The following PIP4K2A variants were observed in gnomAD, a reference collection of about 807,000 sequenced individuals.
The protein encoded by PIP4K2A is phosphatidylinositol-5-phosphate 4-kinase type 2 alpha.
In PIP4K2A, 14 loss-of-function variants were observed where a neutral mutation model predicts 42.9. That is an observed-to-expected ratio of 0.33 (90% CI 0.22 to 0.51). The LOEUF is 0.51. Among genes scored for constraint, PIP4K2A ranks in the 20% least tolerant of loss-of-function variants. PIP4K2A has a pLI of 0.97. For missense variants in PIP4K2A, 434 were observed against 519.8 expected, an observed-to-expected ratio of 0.83 and a Z score of 1.61; for synonymous variants, 192 against 192.2, an observed-to-expected ratio of 1.00 and a Z score of 0.01.
intron 1 of PIP4K2A, among the ~76,000 whole-genome samples, chr10:22,703,839 A>G (rs1833760437): frequency 6.6e-6 from 1 of 152,130 alleles, no homozygotes; most frequent in Non-Finnish European, 1.5e-5. Context: ...GGGACTCAAA[A>G]ATTGGATGTG....
intron 1 of PIP4K2A, among the ~76,000 whole-genome samples, chr10:22,697,606 T>G (rs181513651): frequency 6.6e-6 from 1 of 152,054 alleles, no homozygotes; most frequent in Non-Finnish European, 1.5e-5. Flanking sequence ...ACAACTATAG[T>G]CCCAGCTATT....
intron 1 of PIP4K2A, among the ~76,000 whole-genome samples, chr10:22,617,062 T>C (rs940938188): frequency 2.6e-5 from 4 of 152,240 alleles, no homozygotes; most frequent in African/African-American, 7.2e-5. Flanking sequence ...AATTACTATA[T>C]AGCCCAACTC....
chr10:22,600,664 C>T (rs1837741057), intron 3 of PIP4K2A, among the ~76,000 whole-genome samples: 1 of 152,182 alleles, frequency 6.6e-6, no homozygotes, highest in Admixed American at 6.5e-5. Context: ...TGCCTCGAAT[C>T]ACACGGCCCA....
intron 1 of PIP4K2A, among the ~76,000 whole-genome samples, chr10:22,635,712 T>A (rs902468461): frequency 6.6e-6 from 1 of 152,184 alleles, no homozygotes; most frequent in Non-Finnish European, 1.5e-5. Context: ...GGGGGTTCTA[T>A]GACGAGGACC....
chr10:22,655,092 A>T (rs1252888065), intron 1 of PIP4K2A, among the ~76,000 whole-genome samples: 1 of 152,188 alleles, frequency 6.6e-6, no homozygotes, highest in Admixed American at 6.5e-5. Flanking sequence ...AAAATTTAAA[A>T]TTTAAAAATG....
chr10:22,626,760 G>A (rs930343489), intron 1 of PIP4K2A, among the ~76,000 whole-genome samples: 1 of 152,082 alleles, frequency 6.6e-6, no homozygotes, highest in Non-Finnish European at 1.5e-5. Context: ...GCTGAAAACA[G>A]GATATTTTCA....
chr10:22,669,122 G>C (rs944173991), intron 1 of PIP4K2A, among the ~76,000 whole-genome samples: 1 of 152,130 alleles, frequency 6.6e-6, no homozygotes, highest in Non-Finnish European at 1.5e-5. Flanking sequence ...TCCTTTGATA[G>C]GGAAGTGTCA....
rs763858605 is a variant in PIP4K2A, at chr10:22,602,521, G to A, written c.339+5406C>T. Among the ~76,000 whole-genome samples the A allele has an allele frequency of 3.3e-4, 50 of 152,250 alleles. 1 individual carries two copies. Among genetic ancestry groups the A allele is most frequent in the Middle Eastern group, 3.4e-3 (1 of 294 alleles). On this transcript the variant is annotated intron_variant, in intron 3 of 9. Transcript: ENST00000376573. Reference sequence around the variant, plus strand: ...CCCACAGGGCTGCTCGCTGGCAGCAGAATCGGCCCAGTGTCCCTGGTGTCT... The same window carrying A: ...CCCACAGGGCTGCTCGCTGGCAGCAAAATCGGCCCAGTGTCCCTGGTGTCT...
At chr10:22,582,715 A>AAAAGGAAGGG (rs780343447) in intron 4 of PIP4K2A, among the ~76,000 whole-genome samples, 2 of 152,118 alleles carry the variant, frequency 1.3e-5, no homozygotes, top group Non-Finnish European at 1.5e-5. Context: ...GAAGGGAAGG[A>AAAAGGAAGGG]AAAGGAAGGG....
chr10:22,574,617 T>C (rs1480097166), intron 4 of PIP4K2A, among the ~76,000 whole-genome samples: 2 of 152,198 alleles, frequency 1.3e-5, no homozygotes, highest in South Asian at 2.1e-4. Flanking sequence ...GCATTGGTAC[T>C]TGATTCTGAT....
At chr10:22,555,845 T>C (rs1456848761) in intron 6 of PIP4K2A, among the ~76,000 whole-genome samples, 1 of 151,140 alleles carries the variant, frequency 6.6e-6, no homozygotes, top group East Asian at 1.9e-4. Flanking sequence ...GGAAGAAGAA[T>C]TGTCTTGGGC....
chr10:22,538,164 C>CT (rs1450281361), intron 9 of PIP4K2A, among the ~76,000 whole-genome samples: 1 of 152,200 alleles, frequency 6.6e-6, no homozygotes, highest in Non-Finnish European at 1.5e-5. Context: ...ATTTCCAGGC[C>CT]TCGGCTGCAT....
At chr10:22,576,830 C>T (rs980845262) in intron 4 of PIP4K2A, among the ~76,000 whole-genome samples, 15 of 152,114 alleles carry the variant, frequency 9.9e-5, no homozygotes, top group African/African-American at 4.8e-5. Context: ...AATCCCAGCA[C>T]CCTGGGAGGC....
chr10:22,692,839 A>C (rs978759184), intron 1 of PIP4K2A, among the ~76,000 whole-genome samples: 1 of 152,174 alleles, frequency 6.6e-6, no homozygotes, highest in African/African-American at 2.4e-5. Context: ...TGCAGAAAAC[A>C]TGTCCTTTAG....
At chr10:22,602,653 T>C (rs1837815851) in intron 3 of PIP4K2A, among the ~76,000 whole-genome samples, 1 of 152,056 alleles carries the variant, frequency 6.6e-6, no homozygotes, top group South Asian at 2.1e-4. Context: ...CCCAGAGAGT[T>C]CACTTCTCTT....
At chr10:22,567,650 T>C (rs1588630729) in intron 6 of PIP4K2A, 3 of 735,670 alleles carry the variant, frequency 4.1e-6, no homozygotes, top group Admixed American at 1.9e-5. Flanking sequence ...AATAACTGTT[T>C]CACTATTCAA....
chr10:22,646,610 T>G (rs1216533796), intron 1 of PIP4K2A, among the ~76,000 whole-genome samples: 1 of 152,194 alleles, frequency 6.6e-6, no homozygotes, highest in Non-Finnish European at 1.5e-5. Context: ...AATAGTTGTT[T>G]AGAAGGCTAA....
intron 4 of PIP4K2A, among the ~76,000 whole-genome samples, chr10:22,575,595 C>T (rs1396922271): frequency 1.3e-5 from 2 of 152,172 alleles, no homozygotes; most frequent in Non-Finnish European, 2.9e-5. Context: ...TTCTATACCT[C>T]CCCTACCTTA....
At position 22,659,024 on chromosome 10, in the gene PIP4K2A, A is replaced by T. The variant is rs191514061; in HGVS notation, c.145-49307T>A. On this transcript the variant is annotated intron_variant, in intron 1 of 9. Transcript: ENST00000376573. ...ATGTACCCCCACCAGAATCCAAGAA[A>T]CTTGGGTCTGCCTTGGCTCCGAGGT... Among the ~76,000 whole-genome samples the T allele has an allele frequency of 1.8e-4, 28 of 152,146 alleles. No homozygotes were observed. The East Asian group carries it at 4.8e-3, about 26-fold the overall frequency.
Sources: gnomAD v4.1 joint callset for allele counts (sites outside exome capture counted in the v4.1 genomes callset) on GRCh38, gnomAD v4.1.1 for gene constraint, MANE v1.5 for transcripts, NCBI Gene and HGNC (gene_info 2026-07-23, HGNC 2026-07-21) for gene names.